SOX6: variants seen among roughly 807,000 people sequenced by gnomAD.
SOX6 encodes transcription factor SOX-6.
In SOX6, 11 loss-of-function variants were observed where a neutral mutation model predicts 97.8. The ratio of observed to expected loss-of-function variants is 0.11; its 90% CI spans 0.07 to 0.19. The LOEUF is 0.19. Among genes scored for constraint, SOX6 ranks in the 10% least tolerant of loss-of-function variants. SOX6 has a pLI of 1.00. For synonymous variants in SOX6, 360 were observed against 371.4 expected, an observed-to-expected ratio of 0.97 and a Z score of 0.35; for missense variants, 810 against 1,039.5, an observed-to-expected ratio of 0.78 and a Z score of 3.04.
At chr11:15,981,701 A>C (rs1853661026) in intron 15 of SOX6, among the ~76,000 whole-genome samples, 1 of 152,108 alleles carries the variant, frequency 6.6e-6, no homozygotes, top group African/African-American at 2.4e-5. Flanking sequence ...AGGTGTCTTA[A>C]ATAGGATTGA....
chr11:15,974,136 C>G (rs903812483), intron 15 of SOX6, among the ~76,000 whole-genome samples: 1 of 152,046 alleles, frequency 6.6e-6, no homozygotes, highest in East Asian at 1.9e-4. Flanking sequence ...TGTAACTATC[C>G]TTTTGGAGCC....
chr11:15,998,813 C>T (rs1210613415), intron 13 of SOX6, among the ~76,000 whole-genome samples: 1 of 151,970 alleles, frequency 6.6e-6, no homozygotes, highest in Non-Finnish European at 1.5e-5. Context: ...AAAGAAAAAA[C>T]TATAACACTC....
chr11:16,463,023 A>G (rs1352060728), intron 1 of SOX6, among the ~76,000 whole-genome samples: 1 of 152,214 alleles, frequency 6.6e-6, no homozygotes, highest in Non-Finnish European at 1.5e-5. Flanking sequence ...ATTCAGCCTC[A>G]GACTAAGATA....
At chr11:16,696,147 T>A in intron 3 of SOX6, among the ~76,000 whole-genome samples, 1 of 152,226 alleles carries the variant, frequency 6.6e-6, no homozygotes, top group South Asian at 2.1e-4. Flanking sequence ...GTGTTATTGA[T>A]TATAAACAGA....
intron 7 of SOX6, among the ~76,000 whole-genome samples, chr11:16,108,262 G>T (rs1358433727): frequency 1.3e-5 from 2 of 151,996 alleles, no homozygotes; most frequent in African/African-American, 4.8e-5. Context: ...CCAGGAACAG[G>T]CAGACATCCT....
intron 3 of SOX6, among the ~76,000 whole-genome samples, chr11:16,261,464 A>G (rs1270090490): frequency 6.6e-6 from 1 of 152,156 alleles, no homozygotes; most frequent in East Asian, 1.9e-4. Flanking sequence ...AGAGCACCAC[A>G]GAAAACATTT....
intron 13 of SOX6, among the ~76,000 whole-genome samples, chr11:16,014,025 T>C (rs1256628663): frequency 1.3e-5 from 2 of 152,046 alleles, no homozygotes; most frequent in Non-Finnish European, 2.9e-5. Context: ...TGAAGTATCA[T>C]GTTACTCCGA....
chr11:16,698,793 G>A (rs993763969), intron 3 of SOX6, among the ~76,000 whole-genome samples: 2 of 152,170 alleles, frequency 1.3e-5, no homozygotes, highest in Non-Finnish European at 2.9e-5. Flanking sequence ...GGCTGGTAGA[G>A]CAGTTAGAAC....
intron 1 of SOX6, among the ~76,000 whole-genome samples, chr11:16,373,844 GA>G (rs1857563326): frequency 4.2e-5 from 1 of 23,884 alleles, no homozygotes; most frequent in Non-Finnish European, 9.8e-5. Flanking sequence ...AGGAAGGAAG[GA>G]AGGAAGGAAG....
At chr11:16,138,660 A>G (rs968990297) in intron 6 of SOX6, among the ~76,000 whole-genome samples, 15 of 151,934 alleles carry the variant, frequency 9.9e-5, no homozygotes, top group Non-Finnish European at 2.1e-4. Context: ...TTAACTCGTC[A>G]TTTAGCATTA....
chr11:16,131,655 T>C (rs1428888571), intron 6 of SOX6, among the ~76,000 whole-genome samples: 3 of 151,554 alleles, frequency 2.0e-5, no homozygotes, highest in Non-Finnish European at 4.4e-5. Flanking sequence ...TAAAAGCCAA[T>C]AGCTGAAATC....
At chr11:16,606,121 A>G (rs1321996823) in intron 4 of SOX6, 1 of 151,170 alleles carries the variant, frequency 6.6e-6, no homozygotes, top group African/African-American at 2.4e-5. Flanking sequence ...GGCCAAACCC[A>G]CAATTAAAAC....
chr11:16,606,890 CA>C (rs536965877), intron 4 of SOX6, among the ~76,000 whole-genome samples: 118 of 152,328 alleles, frequency 7.7e-4, no homozygotes, highest in Middle Eastern at 3.4e-3. Context: ...GAACAAGGCG[CA>C]ACTCTCCAAG....
At chr11:16,489,150 C>T (rs1177327255) in intron 4 of SOX6, among the ~76,000 whole-genome samples, 2 of 152,110 alleles carry the variant, frequency 1.3e-5, no homozygotes, top group African/African-American at 4.8e-5. Context: ...TAGGTAAACA[C>T]TTTCCATTTT....
chr11:16,151,477 C>A (rs1217740422), intron 6 of SOX6, among the ~76,000 whole-genome samples: 1 of 152,160 alleles, frequency 6.6e-6, no homozygotes, highest in Non-Finnish European at 1.5e-5. Flanking sequence ...TTGACACAAT[C>A]CCTGCAGACA....
At chr11:16,706,449 C>CCAAAA (rs1848132938) in intron 3 of SOX6, among the ~76,000 whole-genome samples, 1 of 2,450 alleles carries the variant, frequency 4.1e-4, no homozygotes, top group African/African-American at 1.6e-3. Flanking sequence ...GAACCTATCA[C>CCAAAA]AAAAAAAAAA....
At chr11:16,090,252 G>A (rs190449642) in intron 9 of SOX6, among the ~76,000 whole-genome samples, 1 of 152,144 alleles carries the variant, frequency 6.6e-6, no homozygotes, top group African/African-American at 2.4e-5. Context: ...TTGGTTTTGA[G>A]TATAGCTGAC....
At chr11:16,214,180 C>A (rs1040112556) in intron 4 of SOX6, among the ~76,000 whole-genome samples, 2 of 152,160 alleles carry the variant, frequency 1.3e-5, no homozygotes, top group African/African-American at 4.8e-5. Context: ...CCACATGTGG[C>A]TAATAGCTTC....
chr11:16,736,927 G>A (rs1337728559), intron 1 of SOX6, among the ~76,000 whole-genome samples: 1 of 152,088 alleles, frequency 6.6e-6, no homozygotes, highest in Non-Finnish European at 1.5e-5. Flanking sequence ...CTTATAAAAT[G>A]TAACCCTGAC....
Sources: gnomAD v4.1 joint callset for allele counts (sites outside exome capture counted in the v4.1 genomes callset) on GRCh38, gnomAD v4.1.1 for gene constraint, MANE v1.5 for transcripts, NCBI Gene and HGNC (gene_info 2026-07-23, HGNC 2026-07-21) for gene names.